The following NOTCH4 variants were observed in gnomAD, a reference collection of about 807,000 sequenced individuals.
NOTCH4 encodes notch receptor 4.
NOTCH4 carries 138 observed loss-of-function variants against 189.0 expected under a neutral mutation model. The observed-to-expected ratio is 0.73, with a 90% CI of 0.64 to 0.84. The LOEUF is 0.84. Among genes scored for constraint, NOTCH4 ranks in the 40% least tolerant of loss-of-function variants. The pLI, the probability that NOTCH4 is intolerant of heterozygous loss-of-function variation, is 0.00. For synonymous variants in NOTCH4, 942 were observed against 1,032.8 expected (o/e 0.91, Z 1.69); for missense variants, 2,286 against 2,605.4 (o/e 0.88, Z 2.67).
intron 13 of NOTCH4, 121 bp from the exon 14 acceptor site, chr6:32,213,961 GT>G: frequency 7.0e-7 from 1 of 1,436,416 alleles, no homozygotes; most frequent in East Asian, 2.3e-5. Flanking sequence ...ATCAACCTCC[GT>G]TCTCACCACC....
chr6:32,196,871 C>T, intron 28 of NOTCH4, 54 bp downstream of exon 28: 1 of 1,600,564 alleles, frequency 6.2e-7, no homozygotes, highest in Non-Finnish European at 8.5e-7. Flanking sequence ...ACGCTATCTC[C>T]CACCCCATCT....
chr6:32,196,404 A>C lies in NOTCH4; in HGVS notation c.5218T>G (p.Trp1740Gly). 6.2e-7 allele frequency: 1 copy of C among 1,613,038 alleles called. No individual in the cohort carries two copies. ...RDKWGKTALH[W>G]AAAVNNARAA... ...CGGGCGTTGTTCACGGCAGCAGCCC[A>C]GTGCAGCGCAGTTTTCCCTAGGGGA... The change falls in exon 29 of 30, where the codon TGG becomes GGG. Residue 1740 changes from tryptophan (W) to glycine (G), a missense_variant. By Grantham distance (184) the Trp-to-Gly change is radical. Transcript: ENST00000375023.
At position 32,202,325 on chromosome 6, in the gene NOTCH4, C is replaced by T. The variant is rs748069011; in HGVS notation, c.3506G>A (p.Arg1169Gln). ...CCCCTTGGCTCCGGGTTTCTGACAC[C>T]GGGGCCCTGGAGAGCTGTGAGGGCA... ...CSCPHSSPGP[R>Q]CQKPGAKGCE... is the part of the protein sequence containing the mutation. Residue 1169 changes from arginine to glutamine, a missense_variant, in exon 21 of 30, where the codon CGG (arginine) becomes CAG (glutamine). Physicochemically the swap from Arg to Gln is conservative, Grantham distance 43. Coordinates refer to ENST00000375023, the MANE Select transcript of NOTCH4 (RefSeq NM_004557.4). This position sits in a 1 kb window ranked among gnomAD's most constrained non-coding sequence, Gnocchi z 5.7. 4.5e-5 allele frequency: 73 copies of T among 1,612,706 alleles called. No homozygotes were observed. The highest frequency in any genetic ancestry group is 5.9e-5 in the Non-Finnish European group (70 of 1,179,846).
chr6:32,207,054 T>A (rs1428870235), intron 18 of NOTCH4, among the ~76,000 whole-genome samples: 1 of 151,534 alleles, frequency 6.6e-6, no homozygotes. Context: ...CTCAGCCTCC[T>A]GAGTAGCTGG....
chr6:32,213,980 C>T, intron 13 of NOTCH4, 130 bp downstream of exon 13: 1 of 1,418,734 alleles, frequency 7.0e-7, no homozygotes. Flanking sequence ...ACCTCCCACA[C>T]ATCACCCGTG....
chr6:32,216,769 CT>C, intron 11 of NOTCH4, 175 bp downstream of exon 11: 1 of 810,908 alleles, frequency 1.2e-6, no homozygotes, highest in Non-Finnish European at 2.0e-6. Flanking sequence ...ACGGTAACCC[CT>C]GCCCTTGTCC....
chr6:32,212,441 AT>A lies in NOTCH4; in HGVS notation c.2680+32del. The A allele has an allele frequency of 6.4e-7, 1 of 1,568,470 alleles. No homozygotes were observed. Among genetic ancestry groups the A allele is most frequent in the South Asian group, 1.2e-5 (1 of 83,930 alleles). On this transcript the variant is annotated intron_variant, in intron 17 of 29. Transcript: ENST00000375023. The surrounding 1 kb of genome is among the most constrained non-coding windows in gnomAD (Gnocchi z 4.4). The stretch of plus-strand genomic sequence containing the variant: ...AGGTGAGAACACCCATATTTTCTTC[AT>A]TTGCTCTCCAGTCAGTGCCGGCGTT...
At chr6:32,219,861 G>A in intron 7 of NOTCH4, 75 bp from the exon 8 acceptor site, 3 of 1,265,314 alleles carry the variant, frequency 2.4e-6, no homozygotes, top group South Asian at 1.4e-5. Context: ...GTCAGGGAAG[G>A]TGTGGGGGCC....
chr6:32,223,881 T>TAGCAGCAGC lies in NOTCH4; in HGVS notation c.39_47dup (p.Leu14_Leu16dup), dbSNP rs35795312. The TAGCAGCAGC allele has an allele frequency of 0.02, 31,447 of 1,584,450 alleles. 354 individuals are homozygous for TAGCAGCAGC. Among genetic ancestry groups the TAGCAGCAGC allele is most frequent in the Middle Eastern group, 0.022 (129 of 5,946 alleles). On this transcript the variant is annotated inframe_insertion, in exon 1 of 30. Transcript: ENST00000375023. ...CTCTGGGTCTGACCACTGAGACACA[T>TAGCAGCAGC]AGCAGCAGCAGCAGCAGCAGCAGCA...
In NOTCH4 at chr6:32,214,677, G is replaced by T. The variant is rs191442717; in HGVS notation, c.2022-422C>A. Among the ~76,000 whole-genome samples, 69 of 151,528 alleles carry T rather than the reference G, an allele frequency of 4.6e-4. 1 individual carries two copies. The highest frequency in any genetic ancestry group is 1.5e-5 in the Non-Finnish European group (1 of 67,918). ...GAGTCTTGCTCTGTCACCCAGGCTGGAGTGCAGTGGCATGATCTTGGCTGA... is the reference window on the plus strand; with the variant it reads ...GAGTCTTGCTCTGTCACCCAGGCTGTAGTGCAGTGGCATGATCTTGGCTGA... On this transcript the variant is annotated intron_variant, in intron 12 of 29. Transcript: ENST00000375023.
At position 32,197,488 on chromosome 6, in the gene NOTCH4, A is replaced by C. The variant is rs2127461428; in HGVS notation, c.4863T>G (p.Asp1621Glu). 1 of 1,603,446 alleles carries C rather than the reference A, an allele frequency of 6.2e-7. No homozygotes were observed. Among genetic ancestry groups the C allele is most frequent in the Non-Finnish European group, 8.5e-7 (1 of 1,174,730 alleles). The change falls in exon 27 of 30, where the codon GAT (aspartate) becomes GAG (glutamate). Residue 1621 changes from aspartate to glutamate, a missense_variant. Transcript: ENST00000375023. ...GCPEPWEPLL[D>E]GGACPQAHTV... ...TGTGAGCCTGGGGACAGGCCCCTCCATCCAGCAGAGGTTCCCAGGGCTCAG... is the reference window on the plus strand; with the variant it reads ...TGTGAGCCTGGGGACAGGCCCCTCCCTCCAGCAGAGGTTCCCAGGGCTCAG...
intron 20 of NOTCH4, 82 bp downstream of exon 20, chr6:32,203,688 G>A: frequency 9.9e-7 from 1 of 1,008,088 alleles, no homozygotes; most frequent in South Asian, 1.6e-5. Flanking sequence ...CTCACCCACA[G>A]TCCCTTCTGG....
At chr6:32,204,069 A>C (rs979807962) in intron 19 of NOTCH4, 68 bp downstream of exon 19, 5 of 1,584,384 alleles carry the variant, frequency 3.2e-6, no homozygotes, top group African/African-American at 2.7e-5. Flanking sequence ...GGTGGAGACT[A>C]TCTGGCTCTC....
chr6:32,204,452 C>T, intron 18 of NOTCH4, 63 bp from the exon 19 acceptor site: 1 of 1,573,318 alleles, frequency 6.4e-7, no homozygotes, highest in Non-Finnish European at 8.6e-7. Context: ...CTACAAGGGA[C>T]CCAGCTCAAG....
In NOTCH4 at chr6:32,197,462, G is replaced by C. The variant is rs2127461351; in HGVS notation, c.4889C>G (p.Thr1630Ser). The C allele has an allele frequency of 1.3e-6, 2 of 1,586,058 alleles. No homozygotes were observed. Among genetic ancestry groups the C allele is most frequent in the Non-Finnish European group, 1.7e-6 (2 of 1,166,510 alleles). ...LDGGACPQAH[T>S]VGTGETPLHL... The stretch of plus-strand genomic sequence containing the variant: ...CAGGGGGGTCTCCCCAGTGCCCACG[G>C]TGTGAGCCTGGGGACAGGCCCCTCC... The change falls in exon 27 of 30, where the codon ACC becomes AGC. Residue 1630 changes from threonine to serine, a missense_variant. Transcript: ENST00000375023.
At position 32,222,820 on chromosome 6, in the gene NOTCH4, G is replaced by T. The variant is rs769373975; in HGVS notation, c.156-14C>A. Reference sequence around the variant, plus strand: ...CCAGGGGCACACCTGGGCAGGGGAGGAGAGGAAAACTCACATCACTGGTCC... The same window carrying T: ...CCAGGGGCACACCTGGGCAGGGGAGTAGAGGAAAACTCACATCACTGGTCC... On this transcript the variant is annotated splice_polypyrimidine_tract_variant and intron_variant, in intron 2 of 29. Coordinates refer to ENST00000375023, the MANE Select transcript of NOTCH4 (RefSeq NM_004557.4). The T allele has an allele frequency of 6.2e-7, 1 of 1,607,076 alleles. No homozygotes were observed. Among genetic ancestry groups the T allele is most frequent in the Non-Finnish European group, 8.5e-7 (1 of 1,177,864 alleles).
chr6:32,199,207 A>T lies in NOTCH4; in HGVS notation c.4316-62T>A. ...CCTGGTGAGACTGATTACTATTGGG[A>T]GACCTTTGGACAAGTTTAGTAGCCG... On this transcript the variant is annotated intron_variant, in intron 23 of 29. Coordinates refer to ENST00000375023, the MANE Select transcript of NOTCH4 (RefSeq NM_004557.4). This position sits in a 1 kb window ranked among gnomAD's most constrained non-coding sequence, Gnocchi z 4.9. The T allele has an allele frequency of 7.8e-7, 1 of 1,289,118 alleles. No individual in the cohort carries two copies. The highest frequency in any genetic ancestry group is 1.1e-6 in the Non-Finnish European group (1 of 948,684). 79.9% of individuals were successfully genotyped at this position (1,289,118 alleles called of 1,614,324 possible).
Position 32,214,178 on chromosome 6 carries a change from C to G in NOTCH4, c.2099G>C (p.Cys700Ser), listed in dbSNP as rs1335114884. Reference sequence around the variant, plus strand: ...GGGGTAGCAGGTCCCCCCATGGGCACAGGGTGCAGAGATGCAGCCCCCTAG... The same window carrying G: ...GGGGTAGCAGGTCCCCCCATGGGCAGAGGGTGCAGAGATGCAGCCCCCTAG... ...AELGGCISAP[C>S]AHGGTCYPQP... The change falls in exon 13 of 30, where the codon TGT becomes TCT. Residue 700 changes from cysteine (C) to serine (S), a missense_variant. Transcript: ENST00000375023. The G allele has an allele frequency of 6.8e-6, 11 of 1,613,676 alleles. No individual in the cohort carries two copies. Among genetic ancestry groups the G allele is most frequent in the Non-Finnish European group, 9.3e-6 (11 of 1,179,842 alleles).
chr6:32,198,159 C>A lies in NOTCH4; in HGVS notation c.4756+262G>T, dbSNP rs1306224057. On this transcript the variant is annotated intron_variant, in intron 26 of 29. Coordinates refer to ENST00000375023, the MANE Select transcript of NOTCH4 (RefSeq NM_004557.4). This position sits in a 1 kb window ranked among gnomAD's most constrained non-coding sequence, Gnocchi z 5.5. Reference sequence around the variant, plus strand: ...CTCAAACGAGTCTGGATCAGATTCACCTGAAGGGCTTGTTAAAACAGATTG... The same window carrying A: ...CTCAAACGAGTCTGGATCAGATTCAACTGAAGGGCTTGTTAAAACAGATTG... Among the ~76,000 whole-genome samples the A allele has an allele frequency of 6.6e-6, 1 of 152,192 alleles. No individual in the cohort carries two copies. Among genetic ancestry groups the A allele is most frequent in the Non-Finnish European group, 1.5e-5 (1 of 68,038 alleles).
Sources: gnomAD v4.1 joint callset for allele counts (sites outside exome capture counted in the v4.1 genomes callset) on GRCh38, gnomAD v4.1.1 for gene constraint, Gnocchi (gnomAD v3.1) non-coding constraint, MANE v1.5 for transcripts, NCBI Gene and HGNC (gene_info 2026-07-23, HGNC 2026-07-21) for gene names.